MACROD2: variants seen among roughly 807,000 people sequenced by gnomAD.
MACROD2 encodes mono-ADP ribosylhydrolase 2.
A neutral mutation model predicts 70.4 loss-of-function variants in MACROD2; 36 were observed. The observed-to-expected ratio is 0.51, with a 90% CI of 0.39 to 0.68. The LOEUF (loss-of-function observed/expected upper bound fraction) is 0.68, where lower values mean the gene tolerates loss of function less well. Among genes scored for constraint, MACROD2 ranks in the 30% least tolerant of loss-of-function variants. The pLI is 0.00. For missense variants in MACROD2, 496 were observed against 538.4 expected, an observed-to-expected ratio of 0.92 and a Z score of 0.78; for synonymous variants, 172 against 178.8, an observed-to-expected ratio of 0.96 and a Z score of 0.30.
chr20:15,296,896 T>C (rs1348568569), intron 6 of MACROD2, among the ~76,000 whole-genome samples: 2 of 152,344 alleles, frequency 1.3e-5, no homozygotes, highest in East Asian at 3.9e-4. Context: ...AATGCTGCTT[T>C]AATGCTGAAA....
chr20:16,016,357 T>C (rs905026008), intron 15 of MACROD2, among the ~76,000 whole-genome samples: 2 of 152,206 alleles, frequency 1.3e-5, no homozygotes, highest in African/African-American at 4.8e-5. Flanking sequence ...AAAATATAGG[T>C]CTGCCTGTTA....
At chr20:15,538,872 G>A (rs972036427) in intron 8 of MACROD2, among the ~76,000 whole-genome samples, 1 of 151,880 alleles carries the variant, frequency 6.6e-6, no homozygotes, top group Non-Finnish European at 1.5e-5. Context: ...TGGATTAAAT[G>A]GGTATTTGCT....
intron 3 of MACROD2, among the ~76,000 whole-genome samples, chr20:14,088,066 C>T (rs1419433810): frequency 6.6e-6 from 1 of 152,042 alleles, no homozygotes; most frequent in Non-Finnish European, 1.5e-5. Flanking sequence ...CGCATTGGCT[C>T]ATGCCTGTAA....
intron 8 of MACROD2, among the ~76,000 whole-genome samples, chr20:15,517,070 T>C (rs1209845763): frequency 6.6e-6 from 1 of 152,226 alleles, no homozygotes. Context: ...TGTAATCTTT[T>C]GTATTTTTAT....
intron 5 of MACROD2, among the ~76,000 whole-genome samples, chr20:14,970,119 A>G (rs765467591): frequency 3.9e-5 from 6 of 152,206 alleles, no homozygotes; most frequent in Non-Finnish European, 8.8e-5. Context: ...ACTTACAATC[A>G]TAGCAGAAGG....
chr20:14,743,749 C>G (rs978998155), intron 5 of MACROD2, among the ~76,000 whole-genome samples: 1 of 152,154 alleles, frequency 6.6e-6, no homozygotes, highest in African/African-American at 2.4e-5. Flanking sequence ...TTCCCAGAAC[C>G]TGTGAATGTT....
chr20:14,725,553 G>C (rs2071519310), intron 5 of MACROD2, among the ~76,000 whole-genome samples: 9 of 152,088 alleles, frequency 5.9e-5, no homozygotes, highest in Admixed American at 5.9e-4. Flanking sequence ...TATTATGTGT[G>C]TTTCCCCAGA....
chr20:14,457,103 G>A (rs1411975536), intron 3 of MACROD2, among the ~76,000 whole-genome samples: 1 of 151,736 alleles, frequency 6.6e-6, no homozygotes, highest in Non-Finnish European at 1.5e-5. Flanking sequence ...AGTGGAGTTT[G>A]TTAAAGGTAT....
chr20:14,534,753 A>G (rs2085344480), intron 4 of MACROD2, among the ~76,000 whole-genome samples: 2 of 151,904 alleles, frequency 1.3e-5, no homozygotes, highest in South Asian at 4.2e-4. Flanking sequence ...AAAATAAAAG[A>G]CAGTTACTAA....
At chr20:15,293,351 G>T (rs754210575) in intron 6 of MACROD2, among the ~76,000 whole-genome samples, 8 of 152,250 alleles carry the variant, frequency 5.3e-5, no homozygotes, top group African/African-American at 1.9e-4. Context: ...TTAGAATATT[G>T]CGTTATTCAT....
chr20:15,456,802 C>A (rs935158159), intron 7 of MACROD2, among the ~76,000 whole-genome samples: 1 of 152,094 alleles, frequency 6.6e-6, no homozygotes, highest in Non-Finnish European at 1.5e-5. Context: ...GGTTCCTTGT[C>A]GTGACCTAGA....
At chr20:15,629,510 G>A in intron 8 of MACROD2, among the ~76,000 whole-genome samples, 1 of 152,170 alleles carries the variant, frequency 6.6e-6, no homozygotes, top group Non-Finnish European at 1.5e-5. Context: ...GAAAGAAATG[G>A]TTCAAATGGA....
intron 3 of MACROD2, among the ~76,000 whole-genome samples, chr20:14,283,595 A>C (rs1389037457): frequency 6.6e-6 from 1 of 152,206 alleles, no homozygotes; most frequent in African/African-American, 2.4e-5. Context: ...CTTTGGAAGA[A>C]ATTAAACCCA....
At chr20:15,908,123 G>T (rs976334264) in intron 10 of MACROD2, among the ~76,000 whole-genome samples, 2 of 152,052 alleles carry the variant, frequency 1.3e-5, no homozygotes, top group African/African-American at 4.8e-5. Context: ...TTTTTGCTGT[G>T]TTTTTTGTTT....
chr20:14,059,856 C>G (rs771748854), intron 2 of MACROD2, among the ~76,000 whole-genome samples: 1 of 152,092 alleles, frequency 6.6e-6, no homozygotes, highest in Non-Finnish European at 1.5e-5. Flanking sequence ...GAAGGGACCA[C>G]TTTAGGTAGG....
intron 5 of MACROD2, among the ~76,000 whole-genome samples, chr20:15,024,141 A>C (rs1040272157): frequency 1.3e-5 from 2 of 152,156 alleles, no homozygotes; most frequent in Non-Finnish European, 2.9e-5. Flanking sequence ...CCCACCCTAC[A>C]TCATTCTGGT....
chr20:14,508,895 C>T (rs2123142143), intron 4 of MACROD2, among the ~76,000 whole-genome samples: 1 of 152,164 alleles, frequency 6.6e-6, no homozygotes, highest in Non-Finnish European at 1.5e-5. Context: ...TCTACCAATC[C>T]ATCCTTTTTG....
At chr20:14,815,809 C>T (rs1003295431) in intron 5 of MACROD2, among the ~76,000 whole-genome samples, 4 of 151,808 alleles carry the variant, frequency 2.6e-5, no homozygotes, top group Admixed American at 6.6e-5. Flanking sequence ...AACATAATAA[C>T]ATTGCCAACT....
intron 8 of MACROD2, among the ~76,000 whole-genome samples, chr20:15,809,522 A>T (rs1364658088): frequency 6.6e-6 from 1 of 152,192 alleles, no homozygotes; most frequent in African/African-American, 2.4e-5. Context: ...CAAAGATTAC[A>T]TGACAAAAGG....
Sources: gnomAD v4.1 joint callset for allele counts (sites outside exome capture counted in the v4.1 genomes callset) on GRCh38, gnomAD v4.1.1 for gene constraint, MANE v1.5 for transcripts, NCBI Gene and HGNC (gene_info 2026-07-23, HGNC 2026-07-21) for gene names.